Variants in ETV6 observed in about 807,000 individuals in gnomAD.
The protein encoded by ETV6 is ETS variant transcription factor 6.
A neutral mutation model predicts 51.1 loss-of-function variants in ETV6; 16 were observed. The ratio of observed to expected loss-of-function variants is 0.31; its 90% confidence interval spans 0.21 to 0.48. The LOEUF (loss-of-function observed/expected upper bound fraction) is 0.48, where lower values mean the gene tolerates loss of function less well. Among genes scored for constraint, ETV6 ranks in the 20% least tolerant of loss-of-function variants. The probability of loss-of-function intolerance (pLI) is 0.99; values close to 1 mark genes in which losing one functional copy is unlikely to be tolerated. For synonymous variants in ETV6, 240 were observed against 224.1 expected (o/e 1.07, Z -0.64); for missense variants, 458 against 594.8 (o/e 0.77, Z 2.39).
intron 1 of ETV6, among the ~76,000 whole-genome samples, chr12:11,702,083 G>C (rs190328205): frequency 1.2e-4 from 18 of 152,256 alleles, no homozygotes; most frequent in African/African-American, 4.1e-4. Flanking sequence ...GACCCCGTTC[G>C]ATCTGTGGGT....
At chr12:11,662,224 G>C (rs1864113080) in intron 1 of ETV6, among the ~76,000 whole-genome samples, 1 of 152,166 alleles carries the variant, frequency 6.6e-6, no homozygotes, top group African/African-American at 2.4e-5. Flanking sequence ...CCTGCTGGGA[G>C]AGATGTGGGA....
intron 2 of ETV6, among the ~76,000 whole-genome samples, chr12:11,829,957 A>T (rs1946217346): frequency 6.6e-6 from 1 of 152,154 alleles, no homozygotes; most frequent in Admixed American, 6.5e-5. Context: ...CAGAGGAGTG[A>T]GATGTGGAGC....
intron 2 of ETV6, among the ~76,000 whole-genome samples, chr12:11,829,799 C>T (rs956238884): frequency 4.6e-5 from 7 of 152,156 alleles, no homozygotes; most frequent in African/African-American, 1.7e-4. Context: ...AACCTTCCGA[C>T]CTCCACTTGG....
At chr12:11,785,119 G>A (rs566568507) in intron 2 of ETV6, among the ~76,000 whole-genome samples, 20 of 152,158 alleles carry the variant, frequency 1.3e-4, no homozygotes, top group African/African-American at 4.8e-4. Flanking sequence ...TAGGAAGAGG[G>A]AGAGTGGGAG....
At chr12:11,772,271 A>G (rs1395053054) in intron 2 of ETV6, among the ~76,000 whole-genome samples, 2 of 152,230 alleles carry the variant, frequency 1.3e-5, no homozygotes, top group Non-Finnish European at 2.9e-5. Context: ...AGAAAGACTC[A>G]GAGATCACTG....
intron 2 of ETV6, among the ~76,000 whole-genome samples, chr12:11,817,943 T>G (rs1240613356): frequency 6.6e-6 from 1 of 152,136 alleles, no homozygotes; most frequent in African/African-American, 2.4e-5. Flanking sequence ...AGGAGTGACT[T>G]CAGTTTCAGG....
chr12:11,801,723 C>CAAACTCAGATATGAG (rs1565531552), intron 2 of ETV6, among the ~76,000 whole-genome samples: 2,263 of 152,124 alleles, frequency 0.015, 69 homozygotes, highest in East Asian at 0.13. Flanking sequence ...TCAGATATGA[C>CAAACTCAGATATGAG]GAATCAAACT....
rs545125282 is a variant in ETV6, at chr12:11,690,652, G to C, written c.33+40492G>C. Among the ~76,000 whole-genome samples, 10 of 152,024 alleles carry C rather than the reference G, an allele frequency of 6.6e-5. No individual in the cohort carries two copies. In the South Asian group the frequency reaches 1.7e-3, roughly 25 times the overall value. ...GCGTGTAATCCTAGCTCTTTGGGAG[G>C]CTGAGGCAGGCAGACCACTTGAGGT... On this transcript the variant is annotated intron_variant, in intron 1 of 7. Coordinates refer to ENST00000396373, the MANE Select transcript of ETV6 (RefSeq NM_001987.5).
At chr12:11,694,171 G>T (rs530811113) in intron 1 of ETV6, among the ~76,000 whole-genome samples, 2 of 152,246 alleles carry the variant, frequency 1.3e-5, no homozygotes, top group South Asian at 4.2e-4. Context: ...TTGTATTCTT[G>T]TAGCTACCTA....
chr12:11,778,472 TC>T (rs1303636602), intron 2 of ETV6, among the ~76,000 whole-genome samples: 1 of 152,232 alleles, frequency 6.6e-6, no homozygotes, highest in African/African-American at 2.4e-5. Context: ...CATCTGAGAT[TC>T]CTGGGGCTGG....
At chr12:11,842,348 G>A (rs1946404286) in intron 3 of ETV6, among the ~76,000 whole-genome samples, 1 of 151,476 alleles carries the variant, frequency 6.6e-6, no homozygotes, top group Admixed American at 6.6e-5. Flanking sequence ...TCTAGGCTAG[G>A]TGCTGTTTCT....
intron 1 of ETV6, among the ~76,000 whole-genome samples, chr12:11,728,651 T>G (rs185725968): frequency 6.6e-6 from 1 of 151,418 alleles, no homozygotes; most frequent in South Asian, 2.1e-4. Flanking sequence ...AAAAAAAAGG[T>G]CCATTTACTT....
rs1227449370 is a variant in ETV6 at position 11,869,949 on chromosome 12, T to C, written c.989T>C (p.Met330Thr). The C allele has an allele frequency of 6.2e-7, 1 of 1,606,616 alleles. No individual in the cohort carries two copies. The highest frequency in any genetic ancestry group is 2.2e-5 in the East Asian group (1 of 44,880). ...VSVSPPEEHAMPIGRIADCRL... is the reference protein window; with the variant it reads ...VSVSPPEEHATPIGRIADCRL... ...GTCTCCCCGCCTGAAGAGCACGCCATGCCCATTGGGAGAATAGCAGGTGAG... is the reference window on the plus strand; with the variant it reads ...GTCTCCCCGCCTGAAGAGCACGCCACGCCCATTGGGAGAATAGCAGGTGAG... Residue 330 changes from methionine (M) to threonine (T), a missense_variant, in exon 5 of 8, where the codon ATG becomes ACG. Met to Thr is a moderately conservative substitution (Grantham distance 81). Coordinates refer to ENST00000396373, the MANE Select transcript of ETV6 (RefSeq NM_001987.5). This position sits in a 1 kb window ranked among gnomAD's most constrained non-coding sequence, Gnocchi z 5.0.
chr12:11,659,754 C>T (rs1044485143), intron 1 of ETV6, among the ~76,000 whole-genome samples: 2 of 152,042 alleles, frequency 1.3e-5, no homozygotes, highest in African/African-American at 4.8e-5. Context: ...TTAACCATTC[C>T]CCCAGTACTT....
At chr12:11,880,940 T>C (rs1947081647) in intron 5 of ETV6, among the ~76,000 whole-genome samples, 2 of 152,138 alleles carry the variant, frequency 1.3e-5, no homozygotes, top group African/African-American at 4.8e-5. Flanking sequence ...CTGGCTTCTT[T>C]TCCCCCTAGA....
intron 1 of ETV6, among the ~76,000 whole-genome samples, chr12:11,742,205 C>A (rs1261943331): frequency 6.6e-6 from 1 of 152,230 alleles, no homozygotes; most frequent in Non-Finnish European, 1.5e-5. Context: ...GTCATGCACA[C>A]ACACTTCTGT....
chr12:11,713,022 T>TTAGCA (rs1027617135), intron 1 of ETV6, among the ~76,000 whole-genome samples: 9 of 152,138 alleles, frequency 5.9e-5, no homozygotes, highest in African/African-American at 2.2e-4. Context: ...TCCCACCTGC[T>TTAGCA]ACCTGAGATG....
chr12:11,859,118 GGTTT>G (rs1478167602), intron 4 of ETV6, among the ~76,000 whole-genome samples: 448 of 41,798 alleles, frequency 0.011, 182 homozygotes, highest in Admixed American at 0.018. Context: ...ATATGAATCT[GGTTT>G]TTTTTTTTTT....
intron 2 of ETV6, among the ~76,000 whole-genome samples, chr12:11,794,126 C>T (rs180915729): frequency 9.9e-5 from 15 of 152,274 alleles, no homozygotes; most frequent in Admixed American, 9.8e-4. Context: ...TGGGAACCCA[C>T]GGAAGTCAGA....
Sources: gnomAD v4.1 joint callset for allele counts (sites outside exome capture counted in the v4.1 genomes callset) on GRCh38, gnomAD v4.1.1 for gene constraint, Gnocchi (gnomAD v3.1) non-coding constraint, MANE v1.5 for transcripts, NCBI Gene and HGNC (gene_info 2026-07-23, HGNC 2026-07-21) for gene names.